ATG7: variants seen among roughly 807,000 people sequenced by gnomAD.
ATG7 encodes autophagy related 7, also known as ubiquitin-like modifier-activating enzyme ATG7.
Under a neutral mutation model 82.4 loss-of-function variants are expected in ATG7, and 70 were observed. That is an observed-to-expected ratio of 0.85 (90% CI 0.70 to 1.04). The LOEUF is 1.04. Among genes scored for constraint, ATG7 ranks in the 50% least tolerant of loss-of-function variants. ATG7 has a pLI of 0.00. For missense variants in ATG7, 792 were observed against 864.3 expected, an observed-to-expected ratio of 0.92 and a Z score of 1.05; for synonymous variants, 287 against 313.0, an observed-to-expected ratio of 0.92 and a Z score of 0.88.
chr3:11,364,017 T>A (rs981606008), intron 17 of ATG7, among the ~76,000 whole-genome samples: 2 of 152,222 alleles, frequency 1.3e-5, no homozygotes, highest in African/African-American at 4.8e-5. Flanking sequence ...CTTTGAGAGC[T>A]GACTTTATGC....
intron 5 of ATG7, among the ~76,000 whole-genome samples, chr3:11,305,634 G>T (rs563185315): frequency 1.3e-5 from 2 of 152,104 alleles, no homozygotes; most frequent in Non-Finnish European, 2.9e-5. Flanking sequence ...ATCTCACCTG[G>T]ATGAAAAATA....
chr3:11,279,399 G>GGCTT (rs1263789556), intron 1 of ATG7, among the ~76,000 whole-genome samples: 5 of 152,164 alleles, frequency 3.3e-5, no homozygotes, highest in African/African-American at 1.2e-4. Flanking sequence ...TTAAAACCTT[G>GGCTT]GCTTGGCTGG....
intron 9 of ATG7, among the ~76,000 whole-genome samples, chr3:11,321,421 C>CTG (rs1265288107): frequency 3.0e-5 from 1 of 33,140 alleles, no homozygotes; most frequent in Non-Finnish European, 4.7e-5. Flanking sequence ...TCAGTTTTGA[C>CTG]CGTGACCAGC....
intron 19 of ATG7, among the ~76,000 whole-genome samples, chr3:11,396,605 C>T (rs972288008): frequency 1.8e-4 from 27 of 151,920 alleles, no homozygotes; most frequent in Non-Finnish European, 2.9e-4. Context: ...AGTGAAACCC[C>T]ACCTCTACAA....
intron 20 of ATG7, among the ~76,000 whole-genome samples, chr3:11,444,839 A>AT (rs1343873618): frequency 5.5e-4 from 83 of 150,130 alleles, no homozygotes; most frequent in African/African-American, 2.0e-3. Flanking sequence ...AATATCCAGC[A>AT]CTACAAGGAA....
chr3:11,483,000 C>G (rs2089194291), intron 20 of ATG7, among the ~76,000 whole-genome samples: 2 of 152,020 alleles, frequency 1.3e-5, no homozygotes, highest in African/African-American at 2.4e-5. Context: ...CTCTATCACC[C>G]TAGTTACTTG....
chr3:11,355,481 C>T (rs1368382294), intron 14 of ATG7, among the ~76,000 whole-genome samples: 1 of 152,126 alleles, frequency 6.6e-6, no homozygotes, highest in African/African-American at 2.4e-5. Flanking sequence ...TCCTCTTATC[C>T]AGAACACGCA....
chr3:11,492,122 G>C (rs1575013585), intron 20 of ATG7, among the ~76,000 whole-genome samples: 1 of 152,298 alleles, frequency 6.6e-6, no homozygotes, highest in East Asian at 1.9e-4. Flanking sequence ...AGACTCCGTG[G>C]TCATAGGACC....
At chr3:11,427,762 C>G (rs1576340745) in intron 20 of ATG7, among the ~76,000 whole-genome samples, 1 of 151,296 alleles carries the variant, frequency 6.6e-6, no homozygotes, top group African/African-American at 2.4e-5. Context: ...TTGCAATGAG[C>G]CGAGATTGTG....
At chr3:11,503,755 C>CAA (rs34065629) in intron 20 of ATG7, among the ~76,000 whole-genome samples, 5,847 of 75,608 alleles carry the variant, frequency 0.077, 501 homozygotes, top group East Asian at 0.13. Flanking sequence ...GACTCTGTCT[C>CAA]AAAAAAAAAA....
intron 19 of ATG7, among the ~76,000 whole-genome samples, chr3:11,392,058 G>A (rs1419377618): frequency 6.6e-6 from 1 of 152,068 alleles, no homozygotes; most frequent in Non-Finnish European, 1.5e-5. Context: ...TTTGAAAAGG[G>A]AATGCTGATA....
intron 20 of ATG7, among the ~76,000 whole-genome samples, chr3:11,450,055 T>A (rs532385666): frequency 1.3e-5 from 2 of 152,326 alleles, no homozygotes; most frequent in South Asian, 4.1e-4. Context: ...GTTTCTTCTT[T>A]GGATAATAAT....
intron 15 of ATG7, among the ~76,000 whole-genome samples, chr3:11,359,837 T>C (rs573840105): frequency 6.6e-6 from 1 of 152,338 alleles, no homozygotes; most frequent in African/African-American, 2.4e-5. Context: ...GTGAGTTATA[T>C]CTCAATAAAG....
intron 19 of ATG7, among the ~76,000 whole-genome samples, chr3:11,417,819 T>TTA (rs1454802345): frequency 2.1e-4 from 27 of 131,670 alleles, no homozygotes; most frequent in African/African-American, 5.7e-4. Flanking sequence ...TATTTTATTT[T>TTA]TTTTTTTTTT....
chr3:11,453,263 C>G (rs552901736), intron 20 of ATG7, among the ~76,000 whole-genome samples: 1 of 152,216 alleles, frequency 6.6e-6, no homozygotes, highest in African/African-American at 2.4e-5. Flanking sequence ...TGTGGAAAGG[C>G]CTGTCCCCAA....
At chr3:11,450,606 T>A (rs915175478) in intron 20 of ATG7, among the ~76,000 whole-genome samples, 1 of 152,222 alleles carries the variant, frequency 6.6e-6, no homozygotes, top group African/African-American at 2.4e-5. Context: ...GGTGTTCACC[T>A]CATGGAGCTG....
At chr3:11,559,261 A>G (rs945714028), downstream of ATG7, 2 of 1,461,460 alleles carry the variant, frequency 1.4e-6, no homozygotes, top group Non-Finnish European at 1.8e-6. Flanking sequence ...GTTTCAGCCA[A>G]CAGCATGACA....
At chr3:11,475,907 A>ACACACACCC (rs766157655) in intron 20 of ATG7, among the ~76,000 whole-genome samples, 1 of 146,252 alleles carries the variant, frequency 6.8e-6, no homozygotes, top group African/African-American at 2.6e-5. Flanking sequence ...ACACACACAC[A>ACACACACCC]CCCCCTCCCA....
chr3:11,545,706 G>A (rs1015834152), intron 20 of ATG7, among the ~76,000 whole-genome samples: 1 of 152,090 alleles, frequency 6.6e-6, no homozygotes, highest in African/African-American at 2.4e-5. Flanking sequence ...CTGGGCGTGT[G>A]TCTCTCTGTT....
Sources: gnomAD v4.1 joint callset for allele counts (sites outside exome capture counted in the v4.1 genomes callset) on GRCh38, gnomAD v4.1.1 for gene constraint, MANE v1.5 for transcripts, NCBI Gene and HGNC (gene_info 2026-07-23, HGNC 2026-07-21) for gene names.